The following SGCZ variants were observed in gnomAD, a reference collection of about 807,000 sequenced individuals.
SGCZ encodes sarcoglycan zeta, also known as zeta-sarcoglycan.
In SGCZ, 40 loss-of-function variants were observed where a neutral mutation model predicts 41.3. The observed-to-expected ratio is 0.97, with a 90% CI of 0.75 to 1.26. The LOEUF is 1.26. SGCZ is among the 50% of genes most tolerant of loss of function. SGCZ has a pLI of 0.00. For synonymous variants in SGCZ, 206 were observed against 137.5 expected, an observed-to-expected ratio of 1.50 and a Z score of -3.49; for missense variants, 552 against 369.8, an observed-to-expected ratio of 1.49 and a Z score of -4.04.
At chr8:14,148,916 A>T (rs1014677541) in intron 5 of SGCZ, among the ~76,000 whole-genome samples, 6 of 152,194 alleles carry the variant, frequency 3.9e-5, no homozygotes, top group African/African-American at 1.4e-4. Flanking sequence ...CATCAAGTCA[A>T]CAGAATGAAG....
At chr8:14,621,244 A>C (rs904613550) in intron 1 of SGCZ, among the ~76,000 whole-genome samples, 6 of 136,110 alleles carry the variant, frequency 4.4e-5, no homozygotes, top group Admixed American at 4.3e-4. Context: ...CAATGAGAAC[A>C]CTTGGACACA....
chr8:14,133,633 A>AT (rs958885326), intron 5 of SGCZ, among the ~76,000 whole-genome samples: 25 of 152,162 alleles, frequency 1.6e-4, no homozygotes, highest in Admixed American at 1.6e-3. Flanking sequence ...CTCCTCAAAG[A>AT]TTTTTACCAT....
intron 2 of SGCZ, among the ~76,000 whole-genome samples, chr8:14,350,583 G>C (rs954095974): frequency 1.4e-4 from 22 of 152,004 alleles, no homozygotes; most frequent in African/African-American, 5.1e-4. Context: ...TACATACAGA[G>C]GTGTAAGGTT....
intron 4 of SGCZ, among the ~76,000 whole-genome samples, chr8:14,207,536 T>C (rs188079260): frequency 6.6e-6 from 1 of 152,320 alleles, no homozygotes; most frequent in East Asian, 1.9e-4. Flanking sequence ...TCTAGTTTTC[T>C]ATATTTAAAG....
At chr8:14,664,328 T>A (rs938534063) in intron 1 of SGCZ, among the ~76,000 whole-genome samples, 1 of 152,164 alleles carries the variant, frequency 6.6e-6, no homozygotes, top group Non-Finnish European at 1.5e-5. Context: ...GCAGGTGGAA[T>A]GGGAATCTCT....
chr8:14,916,395 T>C (rs1182860280), intron 1 of SGCZ, among the ~76,000 whole-genome samples: 3 of 152,060 alleles, frequency 2.0e-5, no homozygotes, highest in Admixed American at 6.6e-5. Context: ...CATATAGACA[T>C]AGATAGCATG....
intron 2 of SGCZ, among the ~76,000 whole-genome samples, chr8:14,494,758 G>A (rs577853956): frequency 6.6e-6 from 1 of 152,248 alleles, no homozygotes; most frequent in South Asian, 2.1e-4. Context: ...TGTAACCAGA[G>A]GGAGGTAAAT....
intron 1 of SGCZ, among the ~76,000 whole-genome samples, chr8:14,747,946 G>C (rs185556807): frequency 7.2e-6 from 1 of 138,618 alleles, no homozygotes; most frequent in Admixed American, 7.8e-5. Context: ...GGCTAGTCTT[G>C]AACTCCTGAA....
chr8:14,411,718 T>C (rs1016982984), intron 2 of SGCZ, among the ~76,000 whole-genome samples: 3 of 152,126 alleles, frequency 2.0e-5, no homozygotes, highest in African/African-American at 7.2e-5. Flanking sequence ...TATTATAATA[T>C]TAGTATTCTG....
chr8:14,237,579 C>G lies in SGCZ; in HGVS notation c.424+13G>C. The G allele has an allele frequency of 6.2e-7, 1 of 1,612,098 alleles. No individual in the cohort carries two copies. Among genetic ancestry groups the G allele is most frequent in the Non-Finnish European group, 8.5e-7 (1 of 1,178,966 alleles). On this transcript the variant is annotated intron_variant, in intron 4 of 7. Transcript: ENST00000382080. ...AAGCACAGTAGGAGCAATCTTTACC[C>G]CAAAACACTCACCTATGGTCAGCTG... is the stretch of plus-strand genomic sequence containing the variant.
Position 14,085,990 on chromosome 8 carries a change from A to G in SGCZ, c.*4453T>C, listed in dbSNP as rs6530721. Among the ~76,000 whole-genome samples the G allele has an allele frequency of 1, 151,616 of 151,844 alleles. 75,694 individuals are homozygous for G. The highest frequency in any genetic ancestry group is 1 in the Middle Eastern group (294 of 294). The stretch of plus-strand genomic sequence containing the variant: ...AACATGAATAACAGTGTTCAATTAA[A>G]TTATTGATTAGTTTATGATTATTTA... On this transcript the variant is annotated 3_prime_UTR_variant, in exon 8 of 8. Coordinates refer to ENST00000382080, the MANE Select transcript of SGCZ (RefSeq NM_139167.4).
At chr8:15,038,639 G>A (rs1245180020) in intron 1 of SGCZ, among the ~76,000 whole-genome samples, 1 of 151,864 alleles carries the variant, frequency 6.6e-6, no homozygotes, top group Non-Finnish European at 1.5e-5. Context: ...CTTCTGCACA[G>A]CCAAGTAGAC....
At chr8:14,832,262 T>C (rs546803611) in intron 1 of SGCZ, among the ~76,000 whole-genome samples, 1 of 152,306 alleles carries the variant, frequency 6.6e-6, no homozygotes, top group South Asian at 2.1e-4. Flanking sequence ...TAACTATCAA[T>C]AAAGCTATTA....
At chr8:14,394,767 A>C (rs11992900) in intron 2 of SGCZ, among the ~76,000 whole-genome samples, 25,569 of 152,134 alleles carry the variant, frequency 0.17, 5,060 homozygotes, top group African/African-American at 0.48. Context: ...GGAAGTACTA[A>C]TTGACAAAAA....
At chr8:15,032,416 G>A (rs1803707026) in intron 1 of SGCZ, among the ~76,000 whole-genome samples, 1 of 152,200 alleles carries the variant, frequency 6.6e-6, no homozygotes, top group African/African-American at 2.4e-5. Flanking sequence ...CAAAGGGGAA[G>A]GAGAGTGAAG....
At chr8:14,280,310 A>G (rs1800378658) in intron 3 of SGCZ, among the ~76,000 whole-genome samples, 1 of 151,860 alleles carries the variant, frequency 6.6e-6, no homozygotes, top group South Asian at 2.1e-4. Context: ...AGGTAGTAAT[A>G]TAAATTTAGT....
chr8:14,908,743 CAAAAAAAAAA>C (rs58817872), intron 1 of SGCZ, among the ~76,000 whole-genome samples: 3 of 91,148 alleles, frequency 3.3e-5, no homozygotes, highest in East Asian at 6.6e-4. Context: ...GTCACCGTTG[CAAAAAAAAAA>C]AAAAAAAAAA....
intron 1 of SGCZ, among the ~76,000 whole-genome samples, chr8:15,012,293 C>G (rs900825842): frequency 6.6e-6 from 1 of 151,238 alleles, no homozygotes; most frequent in Non-Finnish European, 1.5e-5. Context: ...CAAACCTCCA[C>G]CTCTACAGAA....
chr8:14,921,127 T>C (rs113731007), intron 1 of SGCZ, among the ~76,000 whole-genome samples: 1 of 152,194 alleles, frequency 6.6e-6, no homozygotes, highest in African/African-American at 2.4e-5. Context: ...TTGAGGACTG[T>C]TGCGATTGGA....
Sources: allele counts gnomAD v4.1 joint callset (sites outside exome capture counted in the v4.1 genomes callset), GRCh38; gene constraint gnomAD v4.1.1; transcripts MANE v1.5; gene names NCBI Gene and HGNC (gene_info 2026-07-23, HGNC 2026-07-21).